Variants in KMT2C observed in about 807,000 individuals in gnomAD.
The protein encoded by KMT2C is lysine methyltransferase 2C, also known as histone-lysine N-methyltransferase 2C.
KMT2C carries 88 observed loss-of-function variants against 507.9 expected under a neutral mutation model. That is an observed-to-expected ratio of 0.17 (90% CI 0.15 to 0.21). KMT2C has a LOEUF of 0.21. Among genes scored for constraint, KMT2C ranks in the 10% least tolerant of loss-of-function variants. The pLI, the probability that KMT2C is intolerant of heterozygous loss-of-function variation, is 1.00. For synonymous variants in KMT2C, 2,049 were observed against 2,080.8 expected (o/e 0.98, Z 0.42); for missense variants, 4,954 against 5,957.8 (o/e 0.83, Z 5.55).
chr7:152,365,053 A>G (rs1043907980), intron 1 of KMT2C, among the ~76,000 whole-genome samples: 25 of 152,158 alleles, frequency 1.6e-4, no homozygotes, highest in Non-Finnish European at 3.4e-4. Context: ...GAAAATACAC[A>G]TTGCTTAAAG....
At chr7:152,335,599 C>T (rs1000755744) in intron 2 of KMT2C, among the ~76,000 whole-genome samples, 1 of 152,184 alleles carries the variant, frequency 6.6e-6, no homozygotes, top group Non-Finnish European at 1.5e-5. Flanking sequence ...CTGCTATCTA[C>T]CATATATGAC....
chr7:152,222,730 G>A (rs752305317), intron 20 of KMT2C, 48 bp from the exon 21 acceptor site: 4 of 1,027,740 alleles, frequency 3.9e-6, no homozygotes, highest in Admixed American at 1.9e-5. Context: ...GGAATATACT[G>A]AGAACTGCTA....
rs1165943012 is a variant in KMT2C, at chr7:152,136,936, A to G, written c.14644-12T>C. 1.2e-6 allele frequency: 2 copies of G among 1,603,348 alleles called. No homozygotes were observed. Among genetic ancestry groups the G allele is most frequent in the Admixed American group, 3.3e-5 (2 of 60,016 alleles). ...TAGTCATAGCAGAGCTGCCCACGGC[A>G]AAGACACAGGGTAAGAAAGGACAGC... is the stretch of plus-strand genomic sequence containing the variant. On this transcript the variant is annotated splice_polypyrimidine_tract_variant and intron_variant, in intron 58 of 58. Transcript: ENST00000262189.
In KMT2C at chr7:152,353,790, C is replaced by T. The variant is rs552023801; in HGVS notation, c.250+4797G>A. 2.3e-3 allele frequency among the ~76,000 whole-genome samples: 346 copies of T among 152,184 alleles called. 1 individual carries two copies. The highest frequency in any genetic ancestry group is 3.9e-3 in the Non-Finnish European group (265 of 68,052). On this transcript the variant is annotated intron_variant, in intron 2 of 58. Transcript: ENST00000262189. Reference sequence around the variant, plus strand: ...CTAGGGTTATAGGTGTGAGCCACCACGCCCAGCGTAATACCCTTATATTAC... The same window carrying T: ...CTAGGGTTATAGGTGTGAGCCACCATGCCCAGCGTAATACCCTTATATTAC...
intron 10 of KMT2C, 92 bp from the exon 11 acceptor site, chr7:152,252,182 A>G (rs2095573111): frequency 5.5e-6 from 5 of 904,920 alleles, no homozygotes; most frequent in African/African-American, 5.1e-5. Flanking sequence ...GGATATGAAA[A>G]CAGTTAATTA....
chr7:152,157,089 T>TC (rs1374958756), intron 44 of KMT2C, among the ~76,000 whole-genome samples: 1 of 152,110 alleles, frequency 6.6e-6, no homozygotes, highest in East Asian at 1.9e-4. Context: ...TAAGATAGTT[T>TC]TTTTTTTTTC....
Position 152,428,610 on chromosome 7 carries a change from A to T in KMT2C, c.161+7016T>A, listed in dbSNP as rs376817136. On this transcript the variant is annotated intron_variant, in intron 1 of 58. Transcript: ENST00000262189. ...CACACCATTGCACTCTAGCCTGGGCAACAAGAGTAAAACTCCATCTCAAAA... is the reference window on the plus strand; with the variant it reads ...CACACCATTGCACTCTAGCCTGGGCTACAAGAGTAAAACTCCATCTCAAAA... 1.6e-4 allele frequency among the ~76,000 whole-genome samples: 25 copies of T among 152,014 alleles called. No homozygotes were observed. In the East Asian group the frequency reaches 4.3e-3, roughly 26 times the overall value.
chr7:152,158,696 C>T (rs567192814), intron 44 of KMT2C, among the ~76,000 whole-genome samples, 167 bp downstream of exon 44: 3 of 152,030 alleles, frequency 2.0e-5, no homozygotes, highest in East Asian at 1.9e-4. Context: ...TTGTATTTTT[C>T]GTAGAGATGA....
intron 7 of KMT2C, 118 bp downstream of exon 7, chr7:152,273,587 A>G (rs59427422): frequency 1.1e-4 from 97 of 868,720 alleles, no homozygotes; most frequent in Non-Finnish European, 1.4e-4. Flanking sequence ...CAGATTTTAA[A>G]GATTATGTAT....
chr7:152,318,188 T>G (rs1359704074), intron 3 of KMT2C, among the ~76,000 whole-genome samples: 2 of 151,542 alleles, frequency 1.3e-5, no homozygotes, highest in South Asian at 2.1e-4. Context: ...TAAAAAACAT[T>G]TTCTAAAATA....
intron 2 of KMT2C, among the ~76,000 whole-genome samples, chr7:152,340,432 A>G (rs1001697553): frequency 2.0e-5 from 3 of 152,198 alleles, no homozygotes; most frequent in Non-Finnish European, 4.4e-5. Context: ...TTCTTTTGAA[A>G]GAAGTCTGCC....
At chr7:152,271,400 C>T (rs974434753) in intron 7 of KMT2C, among the ~76,000 whole-genome samples, 1 of 152,042 alleles carries the variant, frequency 6.6e-6, no homozygotes, top group Non-Finnish European at 1.5e-5. Flanking sequence ...AGGCCGGGCA[C>T]GATGGCTCAC....
At chr7:152,378,151 C>CTA (rs2097343443) in intron 1 of KMT2C, among the ~76,000 whole-genome samples, 1 of 152,160 alleles carries the variant, frequency 6.6e-6, no homozygotes, top group African/African-American at 2.4e-5. Flanking sequence ...ATTCAGAATA[C>CTA]TATATAACCT....
intron 31 of KMT2C, among the ~76,000 whole-genome samples, chr7:152,189,151 C>T (rs6972835): frequency 0.11 from 17,079 of 152,094 alleles, 2,187 homozygotes; most frequent in African/African-American, 0.31. Flanking sequence ...CCATCTTATG[C>T]TTCTTTACAA....
chr7:152,259,491 G>C (rs6960773), intron 9 of KMT2C, among the ~76,000 whole-genome samples: 2,935 of 90,510 alleles, frequency 0.032, 43 homozygotes, highest in East Asian at 0.1. Flanking sequence ...CACACACACA[G>C]AGAAAGCAAG....
intron 6 of KMT2C, among the ~76,000 whole-genome samples, chr7:152,303,053 C>A (rs1217319914): frequency 6.6e-6 from 1 of 152,124 alleles, no homozygotes; most frequent in East Asian, 1.9e-4. Flanking sequence ...GTTGGTAGCA[C>A]CCTGAGAGCT....
At chr7:152,244,630 GT>G (rs1298365800) in intron 14 of KMT2C, among the ~76,000 whole-genome samples, 17 of 152,318 alleles carry the variant, frequency 1.1e-4, no homozygotes, top group Middle Eastern at 6.8e-3. Flanking sequence ...AGGACAATTT[GT>G]ATGAAACAAT....
chr7:152,408,803 C>G (rs1355861763), intron 1 of KMT2C, among the ~76,000 whole-genome samples: 1 of 133,184 alleles, frequency 7.5e-6, no homozygotes, highest in Non-Finnish European at 1.6e-5. Flanking sequence ...ACATAAACTA[C>G]AAGGTTTTGT....
chr7:152,240,657 T>C (rs553471714), intron 14 of KMT2C, among the ~76,000 whole-genome samples: 374 of 152,384 alleles, frequency 2.5e-3, no homozygotes, highest in African/African-American at 8.6e-3. Context: ...TTCATCCCAG[T>C]CTTCCCCATC....
Sources: allele counts gnomAD v4.1 joint callset (sites outside exome capture counted in the v4.1 genomes callset), GRCh38; gene constraint gnomAD v4.1.1; transcripts MANE v1.5; gene names NCBI Gene and HGNC (gene_info 2026-07-23, HGNC 2026-07-21).